Variants in AGBL3 observed in about 807,000 individuals in gnomAD.
The protein encoded by AGBL3 is AGBL carboxypeptidase 3, also known as cytosolic carboxypeptidase 3.
AGBL3 carries 68 observed loss-of-function variants against 94.5 expected under a neutral mutation model. That is an observed-to-expected ratio of 0.72 (90% CI 0.59 to 0.88). The LOEUF (loss-of-function observed/expected upper bound fraction) is 0.88. AGBL3 is among the 40% of genes least tolerant of loss of function. AGBL3 has a pLI of 0.00. For synonymous variants in AGBL3, 354 were observed against 370.7 expected (o/e 0.95, Z 0.52); for missense variants, 934 against 1,103.8 (o/e 0.85, Z 2.18).
At chr7:134,991,474 TC>T (rs1478977637) in intron 3 of AGBL3, among the ~76,000 whole-genome samples, 2 of 152,150 alleles carry the variant, frequency 1.3e-5, no homozygotes, top group Non-Finnish European at 1.5e-5. Flanking sequence ...CATTTCTTAG[TC>T]TAGGCCAGAA....
At chr7:135,063,086 T>C (rs955471781) in intron 12 of AGBL3, among the ~76,000 whole-genome samples, 2 of 152,158 alleles carry the variant, frequency 1.3e-5, no homozygotes, top group Non-Finnish European at 2.9e-5. Flanking sequence ...GATTCAGTCT[T>C]GGTAGGTTAT....
At chr7:135,097,733 A>G (rs1472205514) in intron 15 of AGBL3, among the ~76,000 whole-genome samples, 3 of 152,122 alleles carry the variant, frequency 2.0e-5, no homozygotes. Flanking sequence ...TGGAAATGGA[A>G]GAAGATATCC....
chr7:135,079,749 T>G (rs1011842230), intron 13 of AGBL3, among the ~76,000 whole-genome samples: 1 of 152,050 alleles, frequency 6.6e-6, no homozygotes, highest in African/African-American at 2.4e-5. Context: ...ATTACAGATG[T>G]GTACCGTGCC....
intron 9 of AGBL3, 68 bp downstream of exon 9, chr7:135,044,219 T>G (rs1817136810): frequency 4.1e-6 from 6 of 1,459,516 alleles, no homozygotes; most frequent in Non-Finnish European, 4.6e-6. Flanking sequence ...TTAATGTAAA[T>G]GTAACAGTAC....
chr7:135,093,047 AAGCCATCTTCAAAAATCCTGCAGCT>A (rs1822092508), intron 15 of AGBL3: 2 of 151,872 alleles, frequency 1.3e-5, no homozygotes, highest in African/African-American at 4.8e-5. Context: ...AAAAAAAAAA[AAGCCATCTTCAAAAATCCTGCAGCT>A]AATGTCATAG....
chr7:135,072,970 G>T (rs1195023454), intron 12 of AGBL3, among the ~76,000 whole-genome samples: 4 of 151,692 alleles, frequency 2.6e-5, no homozygotes, highest in African/African-American at 2.4e-5. Context: ...AAGATGAGGG[G>T]TGTGTGTATG....
intron 4 of AGBL3, among the ~76,000 whole-genome samples, chr7:135,001,015 T>C (rs1479567365): frequency 2.0e-5 from 3 of 152,320 alleles, no homozygotes; most frequent in Non-Finnish European, 4.4e-5. Flanking sequence ...ATTTAGCCAG[T>C]ATACTGGATA....
chr7:135,016,744 G>C (rs1338277262), intron 4 of AGBL3, among the ~76,000 whole-genome samples: 1 of 152,174 alleles, frequency 6.6e-6, no homozygotes, highest in African/African-American at 2.4e-5. Flanking sequence ...AGGTGAGACA[G>C]AATGGTATCA....
At chr7:135,127,029 A>T (rs992866960) in intron 16 of AGBL3, among the ~76,000 whole-genome samples, 2 of 152,264 alleles carry the variant, frequency 1.3e-5, no homozygotes, top group Non-Finnish European at 2.9e-5. Flanking sequence ...GGATCTAATT[A>T]TACTAAAGAG....
chr7:135,075,115 C>T (rs1444097970), intron 12 of AGBL3, among the ~76,000 whole-genome samples: 1 of 152,118 alleles, frequency 6.6e-6, no homozygotes, highest in Admixed American at 6.6e-5. Flanking sequence ...ATTACAGTGC[C>T]ATGTTACAAT....
chr7:134,999,624 T>A (rs906011775), intron 4 of AGBL3, among the ~76,000 whole-genome samples: 1 of 152,222 alleles, frequency 6.6e-6, no homozygotes, highest in African/African-American at 2.4e-5. Context: ...TACTTTAATG[T>A]GCCCCTAAAT....
intron 15 of AGBL3, among the ~76,000 whole-genome samples, chr7:135,084,937 C>G (rs1407093953): frequency 6.6e-6 from 1 of 152,100 alleles, no homozygotes; most frequent in Non-Finnish European, 1.5e-5. Flanking sequence ...TCCATAATGA[C>G]TGCACAAATT....
chr7:134,987,897 T>G lies in AGBL3; in HGVS notation c.-37T>G. 3.4e-6 allele frequency: 5 copies of G among 1,482,970 alleles called. No individual in the cohort carries two copies. Among genetic ancestry groups the G allele is most frequent in the Non-Finnish European group, 1.8e-6 (2 of 1,089,778 alleles). The allele number at this position is 1,482,970 out of a possible 1,614,324, so 91.9% of individuals were successfully genotyped here. ...TAGAAATTGTTTTACAGCCTACCCG[T>G]ATATTACAAGAAATCTCAAGTCAAA... On this transcript the variant is annotated 5_prime_UTR_variant, in exon 2 of 17. Transcript: ENST00000436302.
intron 14 of AGBL3, 89 bp from the exon 15 acceptor site, chr7:135,081,630 C>A: frequency 1.2e-6 from 1 of 811,618 alleles, no homozygotes; most frequent in Non-Finnish European, 1.9e-6. Context: ...TATTTACTAG[C>A]ATTTTCCACT....
At chr7:134,993,382 GA>G in intron 3 of AGBL3, 110 bp from the exon 4 acceptor site, 1 of 844,954 alleles carries the variant, frequency 1.2e-6, no homozygotes, top group South Asian at 2.7e-5. Context: ...CATTTATAAT[GA>G]TACCCACACA....
In AGBL3 at chr7:134,988,185, G is replaced by C. The variant is rs1433380690; in HGVS notation, c.63+189G>C. ...GGGAACACTATGCCCTGTCTAGAAAGAGAAACTATATTTGTATTTTTTTTG... is the reference window on the plus strand; with the variant it reads ...GGGAACACTATGCCCTGTCTAGAAACAGAAACTATATTTGTATTTTTTTTG... On this transcript the variant is annotated intron_variant, in intron 2 of 16. Coordinates refer to ENST00000436302, the MANE Select transcript of AGBL3 (RefSeq NM_178563.4). The C allele has an allele frequency of 1.7e-5, 7 of 422,354 alleles. No individual in the cohort carries two copies. In the South Asian group the frequency reaches 2.6e-4, roughly 16 times the overall value. The allele number at this position is 422,354 out of a possible 1,614,324, so 26.2% of individuals were successfully genotyped here.
At chr7:135,118,489 C>T (rs1826639491) in intron 16 of AGBL3, among the ~76,000 whole-genome samples, 1 of 152,088 alleles carries the variant, frequency 6.6e-6, no homozygotes, top group Non-Finnish European at 1.5e-5. Flanking sequence ...CTTCCACTTC[C>T]ATCTTGCAGT....
chr7:135,016,963 C>A, intron 4 of AGBL3, 89 bp from the exon 5 acceptor site: 1 of 840,038 alleles, frequency 1.2e-6, no homozygotes, highest in Non-Finnish European at 1.9e-6. Context: ...TAGCCTAGAT[C>A]TATCAATGAA....
At chr7:135,121,267 A>G (rs140369615) in intron 16 of AGBL3, among the ~76,000 whole-genome samples, 6 of 152,252 alleles carry the variant, frequency 3.9e-5, no homozygotes, top group Non-Finnish European at 8.8e-5. Flanking sequence ...GATAAAACAG[A>G]AAGGAGAAAT....
Sources: gnomAD v4.1 joint callset for allele counts (sites outside exome capture counted in the v4.1 genomes callset) on GRCh38, gnomAD v4.1.1 for gene constraint, MANE v1.5 for transcripts, NCBI Gene and HGNC (gene_info 2026-07-23, HGNC 2026-07-21) for gene names.